The following SLC45A4 variants were observed in gnomAD, a reference collection of about 807,000 sequenced individuals.
The protein encoded by SLC45A4 is solute carrier family 45 member 4.
In SLC45A4, 32 loss-of-function variants were observed where a neutral mutation model predicts 63.7. That is an observed-to-expected ratio of 0.50 (90% CI 0.38 to 0.67). The LOEUF (loss-of-function observed/expected upper bound fraction) is 0.67, where lower values mean the gene tolerates loss of function less well. Ranked by LOEUF, SLC45A4 falls within the 30% of genes least tolerant of loss-of-function variation. SLC45A4 has a pLI of 0.00. For missense variants in SLC45A4, 1,027 were observed against 1,157.7 expected (o/e 0.89, Z 1.64); for synonymous variants, 535 against 510.0 (o/e 1.05, Z -0.66).
At chr8:141,221,794 C>G (rs376024544) in intron 2 of SLC45A4, 29 bp from the exon 3 acceptor site, 2 of 1,601,336 alleles carry the variant, frequency 1.2e-6, no homozygotes, top group South Asian at 1.1e-5. Context: ...CCGTCGCACA[C>G]GCAGGCACTG....
Position 141,221,590 on chromosome 8 carries a change from G to T in SLC45A4, c.417C>A (p.Asn139Lys), listed in dbSNP as rs202071438. Residue 139 changes from asparagine (N) to lysine (K), a missense_variant, in exon 3 of 9, where the codon AAC (asparagine) becomes AAA (lysine). Coordinates refer to ENST00000517878, the MANE Select transcript of SLC45A4 (RefSeq NM_001286646.2). ...CGAGAAACTTACCGATGGCAGAGCC[G>T]TTAAGGAAAAGTGCAACGCCAAAGA... ...GVLFGVALFL[N>K]GSAIGLALGD... 2 of 1,612,508 alleles carry T rather than the reference G, an allele frequency of 1.2e-6. No homozygotes were observed. The highest frequency in any genetic ancestry group is 3.7e-4 in the Middle Eastern group (2 of 5,420).
chr8:141,232,660 G>C (rs1827423033), intron 2 of SLC45A4, among the ~76,000 whole-genome samples: 3 of 140,202 alleles, frequency 2.1e-5, no homozygotes, highest in South Asian at 2.8e-4. Context: ...CGGGAACACA[G>C]ACATTCAGTG....
rs2474 is a variant in SLC45A4 at position 141,207,296 on chromosome 8, C to T, written c.*4276G>A. ...GAACCCTGCGCAGGACAGAGGGGCG[C>T]GGACAGCAGCGCATGCCACAAACAT... On this transcript the variant is annotated 3_prime_UTR_variant, in exon 9 of 9. Transcript: ENST00000517878. 23,957 of 152,294 alleles carry T rather than the reference C, an allele frequency of 0.16. 2,012 individuals are homozygous for T. The highest frequency in any genetic ancestry group is 0.18 in the Non-Finnish European group (12,058 of 68,098). 9.4% of individuals were successfully genotyped at this position (152,294 alleles called of 1,614,324 possible).
intron 1 of SLC45A4, among the ~76,000 whole-genome samples, chr8:141,284,138 A>G (rs1830056823): frequency 6.6e-6 from 1 of 151,980 alleles, no homozygotes. Context: ...CCCCCAAACC[A>G]CCCGCACCTA....
Position 141,302,623 on chromosome 8 carries a change from C to G in SLC45A4, c.-401+5473G>C, listed in dbSNP as rs142182691. ...CTAGGATTACAGGCATGAGCCACCGCGGCAGGCGTAAAGTTATTTTACAGA... is the reference window on the plus strand; with the variant it reads ...CTAGGATTACAGGCATGAGCCACCGGGGCAGGCGTAAAGTTATTTTACAGA... On this transcript the variant is annotated intron_variant, in intron 1 of 8. Transcript: ENST00000517878. 3.3e-5 allele frequency among the ~76,000 whole-genome samples: 5 copies of G among 152,204 alleles called. No individual in the cohort carries two copies. In the South Asian group the frequency reaches 1.0e-3, roughly 32 times the overall value.
At chr8:141,213,297 G>C (rs545978562) in intron 7 of SLC45A4, among the ~76,000 whole-genome samples, 5 of 152,192 alleles carry the variant, frequency 3.3e-5, no homozygotes, top group South Asian at 2.1e-4. Context: ...CTTTCCAAGC[G>C]TACACGGAAC....
At chr8:141,296,500 TAAAAA>T (rs35777679) in intron 1 of SLC45A4, among the ~76,000 whole-genome samples, 17 of 107,950 alleles carry the variant, frequency 1.6e-4, no homozygotes, top group East Asian at 8.2e-4. Context: ...CCTCATTTCT[TAAAAA>T]AAAAAAAAAA....
Position 141,250,401 on chromosome 8 carries a change from G to GTT in SLC45A4, c.241+3586_241+3587dup, listed in dbSNP as rs34533385. ...GCCCAACTATAGGCTGGTGTGAGTG[G>GTT]TTTTTTTTTTTTTTGAGACAGTGTC... On this transcript the variant is annotated intron_variant, in intron 2 of 8. Transcript: ENST00000517878. Among the ~76,000 whole-genome samples, 529 of 143,706 alleles carry GTT rather than the reference G, an allele frequency of 3.7e-3. 1 individual carries two copies. The highest frequency in any genetic ancestry group is 5.0e-3 in the Non-Finnish European group (331 of 65,550). The allele number at this position is 143,706 out of a possible 152,430, so 94.3% of individuals were successfully genotyped here. A position where few individuals can be genotyped will look rare whatever the true frequency, so the allele number is the denominator to read the frequency against.
intron 2 of SLC45A4, among the ~76,000 whole-genome samples, chr8:141,251,496 C>T (rs1346978028): frequency 6.6e-6 from 1 of 151,878 alleles, no homozygotes; most frequent in Non-Finnish European, 1.5e-5. Context: ...GTTCTGTCCA[C>T]CCTCCGTGCC....
In SLC45A4 at chr8:141,218,362, G is replaced by A. The variant is rs1826323250; in HGVS notation, c.1278C>T (p.Thr426=). 6.2e-7 allele frequency: 1 copy of A among 1,608,342 alleles called. No homozygotes were observed. Residue 426 remains threonine (T), a synonymous_variant, in exon 5 of 9, where the codon ACC becomes ACT. Transcript: ENST00000517878. The part of the protein sequence containing the change: ...RHAFRRQASS[T]FSYYGKLGSH... ...ACCCAAGCTTGCCGTAGTAGGAGAA[G>A]GTGCTGGAGGCCTGCCTGCGGAACG...
rs112375963 is a variant in SLC45A4, at chr8:141,211,700, A to G, written c.2302-3T>C. ...CAGACGTCAATACCTGCAGGCGTCT[A>G]CAGAGAGGAAATTTGATAAAAATAT... On this transcript the variant is annotated splice_polypyrimidine_tract_variant and splice_region_variant and intron_variant, in intron 8 of 8. Transcript: ENST00000517878. 2.3e-3 allele frequency: 3,504 copies of G among 1,537,910 alleles called. 70 individuals are homozygous for G. In the African/African-American group the frequency reaches 0.041, roughly 18 times the overall value.
chr8:141,275,319 G>A (rs921647167), intron 1 of SLC45A4, among the ~76,000 whole-genome samples: 1 of 152,166 alleles, frequency 6.6e-6, no homozygotes, highest in South Asian at 2.1e-4. Context: ...GGACAGTCCC[G>A]AAGTCAACAA....
chr8:141,299,195 A>G (rs543979360), intron 1 of SLC45A4, among the ~76,000 whole-genome samples: 26 of 152,326 alleles, frequency 1.7e-4, no homozygotes, highest in Admixed American at 1.6e-3. Flanking sequence ...AAGGTCACAA[A>G]GCCAAGGAGG....
At chr8:141,217,015 G>C in intron 6 of SLC45A4, 75 bp downstream of exon 6, 2 of 1,469,876 alleles carry the variant, frequency 1.4e-6, no homozygotes, top group Non-Finnish European at 1.9e-6. Flanking sequence ...CTAAGGTGCA[G>C]GATTCTCTCG....
At position 141,207,488 on chromosome 8, in the gene SLC45A4, C is replaced by T. The variant is rs1825580659; in HGVS notation, c.*4084G>A. 1 of 152,244 alleles carries T rather than the reference C, an allele frequency of 6.6e-6. No individual in the cohort carries two copies. The highest frequency in any genetic ancestry group is 6.5e-5 in the Admixed American group (1 of 15,288). 9.4% of individuals were successfully genotyped at this position (152,244 alleles called of 1,614,324 possible). A position where few individuals can be genotyped will look rare whatever the true frequency, so the allele number is the denominator to read the frequency against. On this transcript the variant is annotated 3_prime_UTR_variant, in exon 9 of 9. Transcript: ENST00000517878. ...CATTATGTGTTTAACACACGCTTACCACCACTGCTAACTCAGCAAGCGCGA... is the reference window on the plus strand; with the variant it reads ...CATTATGTGTTTAACACACGCTTACTACCACTGCTAACTCAGCAAGCGCGA...
At chr8:141,271,119 T>G (rs1829504389) in intron 1 of SLC45A4, among the ~76,000 whole-genome samples, 1 of 152,242 alleles carries the variant, frequency 6.6e-6, no homozygotes, top group African/African-American at 2.4e-5. Context: ...CTTGCCCGCC[T>G]CCGGCGCCCA....
At position 141,218,451 on chromosome 8, in the gene SLC45A4, C is replaced by A; in HGVS notation, c.1189G>T (p.Gly397Cys). The part of the protein sequence containing the change: ...SGSPTKDALG[G>C]YTRVDTKPSA... ...GGCTTCGTGTCCACCCTGGTGTAGC[C>A]GCCGAGGGCGTCTTTTGTGGGGGAG... The change falls in exon 5 of 9, where the codon GGC (glycine) becomes TGC (cysteine). Residue 397 changes from glycine to cysteine, a missense_variant. By Grantham distance (159) the Gly-to-Cys change is radical. Transcript: ENST00000517878. 8 of 1,612,752 alleles carry A rather than the reference C, an allele frequency of 5.0e-6. No homozygotes were observed. The highest frequency in any genetic ancestry group is 6.8e-6 in the Non-Finnish European group (8 of 1,179,940).
chr8:141,286,727 GCAGCCCC>G (rs1830159678), intron 1 of SLC45A4, among the ~76,000 whole-genome samples: 1 of 149,466 alleles, frequency 6.7e-6, no homozygotes, highest in Admixed American at 6.7e-5. Flanking sequence ...CTTATCAGCA[GCAGCCCC>G]CCCGCCCCCC....
At chr8:141,235,885 T>C (rs1322573752) in intron 2 of SLC45A4, among the ~76,000 whole-genome samples, 1 of 152,152 alleles carries the variant, frequency 6.6e-6, no homozygotes, top group East Asian at 1.9e-4. Flanking sequence ...GCGGATCACC[T>C]GAGGTCAGGA....
Sources: allele counts gnomAD v4.1 joint callset (sites outside exome capture counted in the v4.1 genomes callset), GRCh38; gene constraint gnomAD v4.1.1; transcripts MANE v1.5; gene names NCBI Gene and HGNC (gene_info 2026-07-23, HGNC 2026-07-21).